Variants in ARSJ observed in about 807,000 individuals in gnomAD.
The protein encoded by ARSJ is arylsulfatase family member J.
Under a neutral mutation model 35.9 loss-of-function variants are expected in ARSJ, and 26 were observed. The ratio of observed to expected loss-of-function variants is 0.72; its 90% CI spans 0.53 to 1.00. The LOEUF (loss-of-function observed/expected upper bound fraction) is 1.00, where lower values mean the gene tolerates loss of function less well. Among genes scored for constraint, ARSJ ranks in the 50% least tolerant of loss-of-function variants. The pLI, the probability that ARSJ is intolerant of heterozygous loss-of-function variation, is 0.00. For missense variants in ARSJ, 667 were observed against 723.6 expected, an observed-to-expected ratio of 0.92 and a Z score of 0.90; for synonymous variants, 294 against 267.6, an observed-to-expected ratio of 1.10 and a Z score of -0.96.
At position 113,902,272 on chromosome 4, in the gene ARSJ, G is replaced by A; in HGVS notation, c.*2C>T. ...GTTTAACCAAACAGGAAATATTTGT[G>A]CTTATCCACAAGTAACACCTGAATG... On this transcript the variant is annotated 3_prime_UTR_variant, in exon 2 of 2. Transcript: ENST00000315366. 6.2e-7 allele frequency: 1 copy of A among 1,608,540 alleles called. No homozygotes were observed. The highest frequency in any genetic ancestry group is 8.5e-7 in the Non-Finnish European group (1 of 1,180,006).
At chr4:113,903,724 T>C (rs2099667861) in intron 1 of ARSJ, 49 bp from the exon 2 acceptor site, 3 of 1,520,026 alleles carry the variant, frequency 2.0e-6, no homozygotes, top group Non-Finnish European at 2.7e-6. Context: ...AAAAGAGATA[T>C]TCTACATAAA....
chr4:113,972,287 G>T (rs73845737), intron 1 of ARSJ, among the ~76,000 whole-genome samples: 30 of 85,452 alleles, frequency 3.5e-4, no homozygotes, highest in African/African-American at 1.4e-3. Flanking sequence ...TCTAAGAGAT[G>T]ATCTGGAAAA....
Position 113,928,436 on chromosome 4 carries a change from A to G in ARSJ, c.399-24761T>C, listed in dbSNP as rs192854388. 2.7e-3 allele frequency among the ~76,000 whole-genome samples: 408 copies of G among 152,260 alleles called. 5 individuals are homozygous for G. The highest frequency in any genetic ancestry group is 0.023 in the Admixed American group (359 of 15,290). On this transcript the variant is annotated intron_variant, in intron 1 of 1. Coordinates refer to ENST00000315366, the MANE Select transcript of ARSJ (RefSeq NM_024590.4). ...GTGATTCTCTGTTTTTATAATTCAAAATAGTCTTTTGTCCATTCTACCTAG... is the reference window on the plus strand; with the variant it reads ...GTGATTCTCTGTTTTTATAATTCAAGATAGTCTTTTGTCCATTCTACCTAG...
At chr4:113,921,597 G>T (rs1168039465) in intron 1 of ARSJ, among the ~76,000 whole-genome samples, 17 of 152,062 alleles carry the variant, frequency 1.1e-4, no homozygotes, top group African/African-American at 2.4e-5. Flanking sequence ...GGTGAAATTT[G>T]TTCACCCAGG....
chr4:113,916,204 G>C (rs1204299356), intron 1 of ARSJ, among the ~76,000 whole-genome samples: 1 of 152,098 alleles, frequency 6.6e-6, no homozygotes, highest in African/African-American at 2.4e-5. Flanking sequence ...TGACATCATA[G>C]GAATTTCTCC....
chr4:113,945,396 C>T (rs560404359), intron 1 of ARSJ, among the ~76,000 whole-genome samples: 1 of 152,248 alleles, frequency 6.6e-6, no homozygotes, highest in East Asian at 1.9e-4. Context: ...CATCAGCCTC[C>T]TAAAGTGCTG....
Position 113,979,276 on chromosome 4 carries a change from G to C in ARSJ, c.-442C>G, listed in dbSNP as rs1727789213. On this transcript the variant is annotated 5_prime_UTR_variant, in exon 1 of 2. Transcript: ENST00000315366. ...TGCTGGTACGGAGGGCGGCGGGATC[G>C]GCCGTCTGTCCTGCGGTCCCCACAC... 2.5e-5 allele frequency: 4 copies of C among 161,338 alleles called. No homozygotes were observed. In the South Asian group the frequency reaches 5.3e-4, roughly 21 times the overall value. The allele number at this position is 161,338 out of a possible 1,614,324, so 10.0% of individuals were successfully genotyped here. A position where few individuals can be genotyped will look rare whatever the true frequency, so the allele number is the denominator to read the frequency against.
intron 1 of ARSJ, among the ~76,000 whole-genome samples, chr4:113,928,572 C>A (rs1226025818): frequency 1.3e-5 from 2 of 152,172 alleles, no homozygotes; most frequent in African/African-American, 4.8e-5. Flanking sequence ...ATGAGTCAGG[C>A]CATTCTGATT....
At position 113,931,541 on chromosome 4, in the gene ARSJ, C is replaced by A. The variant is rs546498794; in HGVS notation, c.399-27866G>T. 2.6e-4 allele frequency among the ~76,000 whole-genome samples: 40 copies of A among 152,146 alleles called. 1 individual carries two copies. The highest frequency in any genetic ancestry group is 9.4e-4 in the African/African-American group (39 of 41,540). ...GCCTCATTTTATGTTACTAGTATTT[C>A]TATAACAATAAATGTCTTCAAGAAA... On this transcript the variant is annotated intron_variant, in intron 1 of 1. Transcript: ENST00000315366.
intron 1 of ARSJ, among the ~76,000 whole-genome samples, chr4:113,931,518 C>T (rs1055974910): frequency 1.3e-5 from 2 of 152,062 alleles, no homozygotes; most frequent in East Asian, 3.9e-4. Context: ...TACTCCATGC[C>T]TCATTTTATG....
At chr4:113,960,948 G>C (rs1029474836) in intron 1 of ARSJ, among the ~76,000 whole-genome samples, 1 of 152,074 alleles carries the variant, frequency 6.6e-6, no homozygotes, top group Non-Finnish European at 1.5e-5. Flanking sequence ...AAATTCATTT[G>C]ACTGAAAAGT....
intron 1 of ARSJ, among the ~76,000 whole-genome samples, chr4:113,977,682 TAGA>T (rs1594531989): frequency 6.6e-6 from 1 of 152,344 alleles, no homozygotes; most frequent in African/African-American, 2.4e-5. Context: ...ACAATTTAAG[TAGA>T]AGATTTAGCT....
chr4:113,927,315 T>C (rs1259678571), intron 1 of ARSJ, among the ~76,000 whole-genome samples: 3 of 152,164 alleles, frequency 2.0e-5, no homozygotes, highest in African/African-American at 7.2e-5. Context: ...TGAATTTTAG[T>C]TGGATTTATT....
At chr4:113,938,742 T>C (rs1294849352) in intron 1 of ARSJ, among the ~76,000 whole-genome samples, 4 of 151,688 alleles carry the variant, frequency 2.6e-5, no homozygotes, top group Non-Finnish European at 5.9e-5. Flanking sequence ...AACTACCCCA[T>C]TAAAAATGGG....
chr4:113,924,006 C>CATATA, intron 1 of ARSJ, among the ~76,000 whole-genome samples: 1 of 139,328 alleles, frequency 7.2e-6, no homozygotes, highest in African/African-American at 2.7e-5. Flanking sequence ...ATAGAATCTA[C>CATATA]TATCTATAGA....
intron 1 of ARSJ, among the ~76,000 whole-genome samples, chr4:113,969,575 T>C (rs1727112922): frequency 6.6e-6 from 1 of 152,276 alleles, no homozygotes; most frequent in South Asian, 2.1e-4. Context: ...AATTGATGAG[T>C]AGAATAACTT....
At chr4:113,946,405 A>G (rs953357265) in intron 1 of ARSJ, 2 of 152,060 alleles carry the variant, frequency 1.3e-5, no homozygotes, top group Non-Finnish European at 2.9e-5. Flanking sequence ...TAGGTGCATA[A>G]AAAATTGTGC....
intron 1 of ARSJ, among the ~76,000 whole-genome samples, chr4:113,931,782 C>T (rs983414345): frequency 2.0e-5 from 3 of 151,872 alleles, no homozygotes; most frequent in African/African-American, 7.3e-5. Flanking sequence ...AGTGGAAACA[C>T]AAGAAACGCT....
chr4:113,978,520 C>A lies in ARSJ; in HGVS notation c.315G>T (p.Lys105Asn). The stretch of plus-strand genomic sequence containing the variant: ...CCAGTTTAACTCCTTCGGCAGCGAG[C>A]TTGTCAAGAGTAGGTGTTTTAATCT... ...GSEIKTPTLD[K>N]LAAEGVKLEN... Residue 105 changes from lysine to asparagine, a missense_variant, in exon 1 of 2, where the codon AAG (lysine) becomes AAT (asparagine). Coordinates refer to ENST00000315366, the MANE Select transcript of ARSJ (RefSeq NM_024590.4). 6.2e-7 allele frequency: 1 copy of A among 1,614,138 alleles called. No individual in the cohort carries two copies. The highest frequency in any genetic ancestry group is 8.5e-7 in the Non-Finnish European group (1 of 1,179,976).
Sources: allele counts gnomAD v4.1 joint callset (sites outside exome capture counted in the v4.1 genomes callset), GRCh38; gene constraint gnomAD v4.1.1; transcripts MANE v1.5; gene names NCBI Gene and HGNC (gene_info 2026-07-23, HGNC 2026-07-21).